KCNK2: variants seen among roughly 807,000 people sequenced by gnomAD.
KCNK2 encodes the protein potassium channel subfamily K member 2.
A neutral mutation model predicts 40.5 loss-of-function variants in KCNK2; 21 were observed. The observed-to-expected ratio is 0.52, with a 90% confidence interval of 0.37 to 0.75. KCNK2 has a LOEUF of 0.75. Ranked by LOEUF, KCNK2 falls within the 30% of genes least tolerant of loss-of-function variation. The pLI, the probability that KCNK2 is intolerant of heterozygous loss-of-function variation, is 0.00. For synonymous variants in KCNK2, 191 were observed against 202.2 expected (o/e 0.94, Z 0.47); for missense variants, 399 against 531.6 (o/e 0.75, Z 2.45).
chr1:215,183,552 C>A lies in KCNK2; in HGVS notation c.823+11369C>A, dbSNP rs1664312492. Among the ~76,000 whole-genome samples, 3 of 152,244 alleles carry A rather than the reference C, an allele frequency of 2.0e-5. No individual in the cohort carries two copies. In the South Asian group the frequency reaches 6.2e-4, roughly 32 times the overall value. On this transcript the variant is annotated intron_variant, in intron 5 of 6. Transcript: ENST00000444842. ...CCTATGTGCCTATTAGTTCAGTTCT[C>A]TTTTTCGCAATTATATTTCCCACTA...
In KCNK2 at chr1:215,176,037, G is replaced by A. The variant is rs143926006; in HGVS notation, c.823+3854G>A. Among the ~76,000 whole-genome samples, 5 of 152,206 alleles carry A rather than the reference G, an allele frequency of 3.3e-5. No homozygotes were observed. The East Asian group carries it at 5.8e-4, about 18-fold the overall frequency. On this transcript the variant is annotated intron_variant, in intron 5 of 6. Coordinates refer to ENST00000444842, the MANE Select transcript of KCNK2 (RefSeq NM_001017425.3). ...AGTAATAGGATTGCTGTGCTGAACG[G>A]TAGTTCTGTTTTAGTTCTTTGAGAA...
At chr1:215,045,906 T>C (rs537250993) in intron 1 of KCNK2, among the ~76,000 whole-genome samples, 1 of 151,974 alleles carries the variant, frequency 6.6e-6, no homozygotes, top group South Asian at 2.1e-4. Flanking sequence ...TTGCAGTAAT[T>C]ACTCTGTTGA....
intron 3 of KCNK2, among the ~76,000 whole-genome samples, chr1:215,144,537 A>G (rs1662328548): frequency 6.6e-6 from 1 of 152,166 alleles, no homozygotes; most frequent in Non-Finnish European, 1.5e-5. Context: ...GTAAAATTAT[A>G]TTCAATATAG....
chr1:215,146,421 A>G (rs1480325104), intron 3 of KCNK2, among the ~76,000 whole-genome samples: 1 of 152,212 alleles, frequency 6.6e-6, no homozygotes, highest in Non-Finnish European at 1.5e-5. Flanking sequence ...GTAAGTTGCA[A>G]CTAAAAATAG....
At position 215,209,414 on chromosome 1, in the gene KCNK2, T is replaced by TATAAAATATATATTA. The variant is rs1558140015; in HGVS notation, c.963+14322_963+14323insATAAAATATATATTA. ...ATATTATATATAAAATATGCATATA[T>TATAAAATATATATTA]TATATATAATATATATAATATAAAA... On this transcript the variant is annotated intron_variant, in intron 6 of 6. Coordinates refer to ENST00000444842, the MANE Select transcript of KCNK2 (RefSeq NM_001017425.3). Among the ~76,000 whole-genome samples, 54 of 25,350 alleles carry TATAAAATATATATTA rather than the reference T, an allele frequency of 2.1e-3. No homozygotes were observed. In the East Asian group the frequency reaches 0.035, roughly 16 times the overall value. The allele number at this position is 25,350 out of a possible 152,430, so 16.6% of individuals were successfully genotyped here.
intron 3 of KCNK2, among the ~76,000 whole-genome samples, chr1:215,141,421 T>C (rs1007256276): frequency 5.9e-5 from 9 of 152,080 alleles, no homozygotes; most frequent in Non-Finnish European, 1.2e-4. Context: ...CACTAGACGA[T>C]AGGAATTTTT....
intron 4 of KCNK2, 77 bp from the exon 5 acceptor site, chr1:215,171,920 G>A: frequency 1.1e-6 from 1 of 885,184 alleles, no homozygotes; most frequent in East Asian, 2.8e-5. Flanking sequence ...CTCTCTCTTT[G>A]TCTCTCTCTC....
At chr1:215,216,113 A>T (rs1178883469) in intron 6 of KCNK2, among the ~76,000 whole-genome samples, 1 of 152,148 alleles carries the variant, frequency 6.6e-6, no homozygotes, top group African/African-American at 2.4e-5. Context: ...AATGTGCATG[A>T]ATACTCTGCA....
intron 6 of KCNK2, among the ~76,000 whole-genome samples, chr1:215,204,288 T>G (rs1006641161): frequency 2.0e-5 from 3 of 151,746 alleles, no homozygotes; most frequent in African/African-American, 7.2e-5. Flanking sequence ...TTTTTTAAAT[T>G]TTAGGTTGAA....
intron 5 of KCNK2, among the ~76,000 whole-genome samples, chr1:215,187,207 C>T (rs1326655089): frequency 1.3e-5 from 2 of 152,038 alleles, no homozygotes; most frequent in Non-Finnish European, 2.9e-5. Context: ...TGGGCTCAAG[C>T]GAACTTTCTG....
At chr1:215,130,760 A>C (rs947438673) in intron 3 of KCNK2, among the ~76,000 whole-genome samples, 2 of 152,224 alleles carry the variant, frequency 1.3e-5, no homozygotes, top group Non-Finnish European at 2.9e-5. Context: ...GTGGACAGAT[A>C]TGTGGTCTTA....
intron 6 of KCNK2, among the ~76,000 whole-genome samples, chr1:215,220,665 G>T (rs556541210): frequency 1.1e-3 from 167 of 152,274 alleles, no homozygotes; most frequent in Non-Finnish European, 1.2e-3. Flanking sequence ...TGTTTTAGTG[G>T]ACTGGTCCTG....
chr1:215,122,306 A>G (rs533577090), intron 2 of KCNK2, among the ~76,000 whole-genome samples: 2 of 152,298 alleles, frequency 1.3e-5, no homozygotes, highest in African/African-American at 4.8e-5. Context: ...AATGTGTTAA[A>G]TCTATGAAAA....
chr1:215,013,188 A>AT (rs907551502), intron 1 of KCNK2, among the ~76,000 whole-genome samples: 3 of 152,096 alleles, frequency 2.0e-5, no homozygotes, highest in African/African-American at 7.2e-5. Context: ...CAAGGTATGT[A>AT]TTTTTTTGGC....
At chr1:215,158,919 A>G (rs1318878579) in intron 3 of KCNK2, among the ~76,000 whole-genome samples, 1 of 152,106 alleles carries the variant, frequency 6.6e-6, no homozygotes, top group Non-Finnish European at 1.5e-5. Flanking sequence ...TTTGGTACTC[A>G]GTTTATTGAT....
intron 6 of KCNK2, among the ~76,000 whole-genome samples, chr1:215,234,094 G>A (rs189233572): frequency 6.6e-6 from 1 of 152,186 alleles, no homozygotes; most frequent in Non-Finnish European, 1.5e-5. Flanking sequence ...GCAGCCCACA[G>A]GTTGAGTAAC....
intron 3 of KCNK2, among the ~76,000 whole-genome samples, chr1:215,158,350 T>A (rs1210878854): frequency 2.0e-5 from 3 of 152,152 alleles, no homozygotes; most frequent in Admixed American, 2.0e-4. Flanking sequence ...GTAAATAGAC[T>A]TCCTGAGGAC....
intron 2 of KCNK2, among the ~76,000 whole-genome samples, chr1:215,097,204 T>C (rs1558089729): frequency 6.6e-6 from 1 of 151,980 alleles, no homozygotes; most frequent in Non-Finnish European, 1.5e-5. Flanking sequence ...AAAAGTATGA[T>C]TGTGGTAAAA....
At chr1:215,154,052 C>T (rs1662802966) in intron 3 of KCNK2, among the ~76,000 whole-genome samples, 2 of 152,134 alleles carry the variant, frequency 1.3e-5, no homozygotes, top group South Asian at 2.1e-4. Context: ...CTGCAATAAA[C>T]ATATGTGTGC....
Sources: allele counts gnomAD v4.1 joint callset (sites outside exome capture counted in the v4.1 genomes callset), GRCh38; gene constraint gnomAD v4.1.1; transcripts MANE v1.5; gene names NCBI Gene and HGNC (gene_info 2026-07-23, HGNC 2026-07-21).